Variants in TRDMT1 observed in about 807,000 individuals in gnomAD.
TRDMT1 encodes the protein tRNA aspartic acid methyltransferase 1.
TRDMT1 carries 49 observed loss-of-function variants against 51.2 expected under a neutral mutation model. That is an observed-to-expected ratio of 0.96 (90% CI 0.76 to 1.21). The LOEUF (loss-of-function observed/expected upper bound fraction) is 1.21, where lower values mean the gene tolerates loss of function less well. Ranked by LOEUF, TRDMT1 falls within the 50% of genes most tolerant of loss-of-function variation. The probability of loss-of-function intolerance (pLI) is 0.00; values close to 1 mark genes in which losing one functional copy is unlikely to be tolerated. For missense variants in TRDMT1, 534 were observed against 462.3 expected, an observed-to-expected ratio of 1.16 and a Z score of -1.42; for synonymous variants, 187 against 164.6, an observed-to-expected ratio of 1.14 and a Z score of -1.04.
intron 10 of TRDMT1, chr10:17,152,219 T>C: frequency 3.4e-6 from 2 of 588,052 alleles, no homozygotes; most frequent in Non-Finnish European, 4.9e-6. Context: ...TGACATAAAC[T>C]ACAAGGAAAG....
rs539171461 is a variant in TRDMT1 at position 17,142,034 on chromosome 10, T to C, written c.*7006A>G. 7.2e-6 allele frequency among the ~76,000 whole-genome samples: 1 copy of C among 139,728 alleles called. No homozygotes were observed. The highest frequency in any genetic ancestry group is 2.6e-5 in the African/African-American group (1 of 39,154). 91.7% of individuals were successfully genotyped at this position (139,728 alleles called of 152,430 possible). A position where few individuals can be genotyped will look rare whatever the true frequency, so the allele number is the denominator to read the frequency against. On this transcript the variant is annotated 3_prime_UTR_variant, in exon 11 of 11. Transcript: ENST00000377799. ...AATGGTTCTTTTGTTAACTTCTATT[T>C]CTTTGCTGAGCTTTTCTATTTTTTG...
chr10:17,198,456 T>C (rs1167128397), intron 1 of TRDMT1, among the ~76,000 whole-genome samples: 3 of 152,232 alleles, frequency 2.0e-5, no homozygotes, highest in Non-Finnish European at 1.5e-5. Context: ...TACAATGGAA[T>C]ATTATTCAAC....
chr10:17,162,831 T>G (rs564824451), intron 3 of TRDMT1, among the ~76,000 whole-genome samples: 27 of 152,166 alleles, frequency 1.8e-4, no homozygotes, highest in Non-Finnish European at 3.7e-4. Flanking sequence ...AAAATTTATC[T>G]TTATAAAACA....
intron 1 of TRDMT1, chr10:17,200,485 T>A (rs1042425853): frequency 1.8e-5 from 3 of 167,976 alleles, no homozygotes; most frequent in African/African-American, 7.2e-5. Context: ...AAAAAACTTA[T>A]ACGCTAAACC....
intron 1 of TRDMT1, among the ~76,000 whole-genome samples, chr10:17,190,054 T>C (rs1017934496): frequency 2.6e-5 from 4 of 152,180 alleles, no homozygotes; most frequent in African/African-American, 7.2e-5. Flanking sequence ...AGTCTCAGAA[T>C]GAAAATAATT....
intron 3 of TRDMT1, among the ~76,000 whole-genome samples, chr10:17,163,991 A>C (rs984624415): frequency 2.6e-5 from 4 of 152,206 alleles, no homozygotes; most frequent in Non-Finnish European, 5.9e-5. Context: ...CAATAGAAAA[A>C]GAGGGAATCC....
chr10:17,153,094 T>C, intron 10 of TRDMT1: 1 of 234,428 alleles, frequency 4.3e-6, no homozygotes, highest in African/African-American at 2.2e-5. Context: ...CCTTCGAAAA[T>C]AATCCCTCAA....
Position 17,145,484 on chromosome 10 carries a change from G to C in TRDMT1, c.*3556C>G. 1 of 985,350 alleles carries C rather than the reference G, an allele frequency of 1.0e-6. No homozygotes were observed. The highest frequency in any genetic ancestry group is 1.2e-6 in the Non-Finnish European group (1 of 829,914). 61.0% of individuals were successfully genotyped at this position (985,350 alleles called of 1,614,324 possible). ...ATTATATAATCTCAATGCAATCACA[G>C]GCTACAAGAAAACTGCTGAGGCTAT... is the stretch of plus-strand genomic sequence containing the variant. On this transcript the variant is annotated 3_prime_UTR_variant, in exon 11 of 11. Coordinates refer to ENST00000377799, the MANE Select transcript of TRDMT1 (RefSeq NM_004412.7).
intron 1 of TRDMT1, among the ~76,000 whole-genome samples, chr10:17,181,282 C>A: frequency 6.6e-6 from 1 of 152,148 alleles, no homozygotes; most frequent in East Asian, 1.9e-4. Context: ...GACTTGAGCT[C>A]CGTTTGCTGT....
At position 17,168,533 on chromosome 10, in the gene TRDMT1, G is replaced by A. The variant is rs528336034; in HGVS notation, c.251+308C>T. ...CTTGAATTTCCACGTGTTGTGGGAC[G>A]GACCCGGTGGGAGGTAACGGAATCA... On this transcript the variant is annotated intron_variant, in intron 3 of 10. Transcript: ENST00000377799. Among the ~76,000 whole-genome samples, 9 of 152,180 alleles carry A rather than the reference G, an allele frequency of 5.9e-5. No individual in the cohort carries two copies. In the South Asian group the frequency reaches 8.3e-4, roughly 14 times the overall value.
intron 10 of TRDMT1, chr10:17,152,022 T>A: frequency 7.7e-7 from 1 of 1,300,686 alleles, no homozygotes; most frequent in Non-Finnish European, 1.0e-6. Context: ...AAAAAAGCAC[T>A]GAAGAAAAGC....
intron 1 of TRDMT1, among the ~76,000 whole-genome samples, chr10:17,182,705 A>C (rs1312582306): frequency 1.3e-5 from 2 of 152,172 alleles, no homozygotes; most frequent in African/African-American, 2.4e-5. Flanking sequence ...ACAGAGAGAG[A>C]GCTACTTATA....
intron 1 of TRDMT1, among the ~76,000 whole-genome samples, chr10:17,193,307 G>A (rs994587156): frequency 5.1e-5 from 7 of 138,172 alleles, no homozygotes; most frequent in African/African-American, 1.8e-4. Context: ...AGGTTGCAGT[G>A]AGCCAAGATT....
chr10:17,157,075 A>G (rs1386059736), intron 8 of TRDMT1, among the ~76,000 whole-genome samples: 1 of 152,204 alleles, frequency 6.6e-6, no homozygotes, highest in Admixed American at 6.5e-5. Flanking sequence ...TTAATTTCTT[A>G]TTATACATTG....
chr10:17,154,818 C>A lies in TRDMT1; in HGVS notation c.888-84G>T. On this transcript the variant is annotated intron_variant, in intron 8 of 10. Coordinates refer to ENST00000377799, the MANE Select transcript of TRDMT1 (RefSeq NM_004412.7). ...TTAAATATTTATTGAATGAATTAAT[C>A]AATCTACACAGTTACATCCTTCTGA... The A allele has an allele frequency of 2.6e-6, 3 of 1,158,064 alleles. No individual in the cohort carries two copies. In the South Asian group the frequency reaches 4.4e-5, roughly 17 times the overall value. 71.7% of individuals were successfully genotyped at this position (1,158,064 alleles called of 1,614,324 possible).
At chr10:17,198,149 T>A (rs1324495500) in intron 1 of TRDMT1, among the ~76,000 whole-genome samples, 1 of 152,148 alleles carries the variant, frequency 6.6e-6, no homozygotes, top group African/African-American at 2.4e-5. Flanking sequence ...CTATTATTTT[T>A]AAAAAATGGA....
chr10:17,183,834 A>G (rs1256468048), intron 1 of TRDMT1, among the ~76,000 whole-genome samples: 4 of 152,218 alleles, frequency 2.6e-5, no homozygotes, highest in African/African-American at 9.6e-5. Context: ...AAGGAAAGTA[A>G]CAAGGTCAGA....
intron 1 of TRDMT1, among the ~76,000 whole-genome samples, chr10:17,181,977 T>C (rs1319445035): frequency 1.3e-5 from 2 of 152,156 alleles, no homozygotes; most frequent in Non-Finnish European, 2.9e-5. Flanking sequence ...CCCCTTCTCC[T>C]AGCTTCTAGA....
intron 3 of TRDMT1, among the ~76,000 whole-genome samples, chr10:17,162,489 G>A (rs1040743762): frequency 4.6e-5 from 7 of 152,084 alleles, no homozygotes; most frequent in Non-Finnish European, 7.4e-5. Flanking sequence ...GGTGGATCAC[G>A]TGAGGCCAGG....
Sources: allele counts gnomAD v4.1 joint callset (sites outside exome capture counted in the v4.1 genomes callset), GRCh38; gene constraint gnomAD v4.1.1; transcripts MANE v1.5; gene names NCBI Gene and HGNC (gene_info 2026-07-23, HGNC 2026-07-21).